Variants in HPN observed in about 807,000 individuals in gnomAD.
HPN encodes hepsin.
In HPN, 13 loss-of-function variants were observed where a neutral mutation model predicts 55.9. The ratio of observed to expected loss-of-function variants is 0.23; its 90% CI spans 0.15 to 0.37. The LOEUF is 0.37. Ranked by LOEUF, HPN falls within the 10% of genes least tolerant of loss-of-function variation. The pLI is 1.00. For synonymous variants in HPN, 225 were observed against 240.3 expected (o/e 0.94, Z 0.59); for missense variants, 451 against 575.8 (o/e 0.78, Z 2.22).
intron 4 of HPN, among the ~76,000 whole-genome samples, chr19:35,052,534 C>CAAAAAAAA (rs5827918): frequency 3.5e-4 from 30 of 84,524 alleles, no homozygotes; most frequent in Non-Finnish European, 5.0e-4. Context: ...GAGTCTGTCT[C>CAAAAAAAA]AAAAAAAAAA....
At chr19:35,062,279 G>A (rs910966307) in intron 9 of HPN, among the ~76,000 whole-genome samples, 4 of 152,090 alleles carry the variant, frequency 2.6e-5, no homozygotes, top group African/African-American at 9.7e-5. Context: ...ATTCTAAGTC[G>A]ATCATGATCA....
In HPN at chr19:35,060,704, G is replaced by A. The variant is rs2064520937; in HGVS notation, c.698G>A (p.Gly233Glu). 1 of 1,614,094 alleles carries A rather than the reference G, an allele frequency of 6.2e-7. No individual in the cohort carries two copies. Among genetic ancestry groups the A allele is most frequent in the African/African-American group, 1.3e-5 (1 of 74,956 alleles). The change falls in exon 9 of 13, where the codon GGG (glycine) becomes GAG (glutamate). Residue 233 changes from glycine (G) to glutamate (E), a missense_variant. By Grantham distance (98) the Gly-to-Glu change is moderately conservative. Coordinates refer to ENST00000672452, the MANE Select transcript of HPN (RefSeq NM_001384133.1). ...GCCTCTCCCCACGGTCTGCAGCTGG[G>A]GGTGCAGGCTGTGGTCTACCACGGG... is the stretch of plus-strand genomic sequence containing the variant. Reference protein sequence around the residue: ...AQASPHGLQLGVQAVVYHGGY... With the variant: ...AQASPHGLQLEVQAVVYHGGY...
At chr19:35,046,354 C>T (rs2064341936) in intron 2 of HPN, among the ~76,000 whole-genome samples, 1 of 152,082 alleles carries the variant, frequency 6.6e-6, no homozygotes, top group Non-Finnish European at 1.5e-5. Flanking sequence ...AAGCGATTCT[C>T]CTGCCTCAGC....
chr19:35,060,097 T>C, intron 6 of HPN, 32 bp from the exon 7 acceptor site: 1 of 1,614,114 alleles, frequency 6.2e-7, no homozygotes, highest in Non-Finnish European at 8.5e-7. Flanking sequence ...CTATTTCCTT[T>C]CTTTCTGTGT....
At chr19:35,043,486 G>A (rs1382085224) in intron 2 of HPN, among the ~76,000 whole-genome samples, 1 of 152,250 alleles carries the variant, frequency 6.6e-6, no homozygotes, top group Non-Finnish European at 1.5e-5. Context: ...CAGACGGCGT[G>A]TTCTCCCTGG....
chr19:35,051,485 A>G (rs1017589606), intron 4 of HPN, among the ~76,000 whole-genome samples: 3 of 152,164 alleles, frequency 2.0e-5, no homozygotes, highest in African/African-American at 7.2e-5. Flanking sequence ...AGCTCAAAGC[A>G]GTCCTCTCAG....
chr19:35,046,110 T>A (rs1013562526), intron 2 of HPN, among the ~76,000 whole-genome samples: 1 of 151,862 alleles, frequency 6.6e-6, no homozygotes, highest in Non-Finnish European at 1.5e-5. Context: ...CTGGGCAGAG[T>A]TGGGGGGCAG....
intron 4 of HPN, among the ~76,000 whole-genome samples, chr19:35,055,291 G>T (rs1408681746): frequency 6.6e-6 from 1 of 152,092 alleles, no homozygotes; most frequent in Non-Finnish European, 1.5e-5. Context: ...TAGCTACTTG[G>T]GAGGTTGAGG....
intron 9 of HPN, among the ~76,000 whole-genome samples, chr19:35,063,523 A>G (rs1167032293): frequency 6.6e-6 from 1 of 152,212 alleles, no homozygotes; most frequent in Non-Finnish European, 1.5e-5. Context: ...AGCCTGGCCA[A>G]CGTGGTGAAA....
rs554119433 is a variant in HPN at position 35,064,318 on chromosome 19, G to C, written c.812-932G>C. ...AAGTCAAATGTCTCAAGATAGGAGT[G>C]TCTCTCTCTCTCTCTCTCTCTTTCT... On this transcript the variant is annotated intron_variant, in intron 9 of 12. Transcript: ENST00000672452. Among the ~76,000 whole-genome samples, 777 of 150,654 alleles carry C rather than the reference G, an allele frequency of 5.2e-3. 5 individuals carry two copies. Among genetic ancestry groups the C allele is most frequent in the African/African-American group, 0.017 (700 of 41,150 alleles).
intron 4 of HPN, among the ~76,000 whole-genome samples, chr19:35,055,272 CT>C (rs1346351501): frequency 6.6e-6 from 1 of 152,110 alleles, no homozygotes; most frequent in Admixed American, 6.5e-5. Context: ...TGGTATGCCC[CT>C]GTGGTCCTAG....
chr19:35,064,878 A>G (rs1051586259), intron 9 of HPN, among the ~76,000 whole-genome samples: 2 of 151,830 alleles, frequency 1.3e-5, no homozygotes, highest in Non-Finnish European at 2.9e-5. Context: ...CTGGAGTGCA[A>G]TGACATGATC....
chr19:35,050,429 T>G (rs759400984), intron 4 of HPN: 5 of 1,123,336 alleles, frequency 4.5e-6, no homozygotes, highest in South Asian at 2.6e-5. Flanking sequence ...TCCCTGGTAA[T>G]TAGCTCCATT....
intron 2 of HPN, among the ~76,000 whole-genome samples, chr19:35,043,499 C>T (rs1162623797): frequency 2.0e-5 from 3 of 152,240 alleles, no homozygotes; most frequent in African/African-American, 4.8e-5. Context: ...CTCCCTGGGC[C>T]TCCATTCTCT....
intron 4 of HPN, among the ~76,000 whole-genome samples, chr19:35,051,140 G>A (rs972098411): frequency 2.6e-5 from 4 of 151,878 alleles, no homozygotes; most frequent in Non-Finnish European, 4.4e-5. Context: ...CCAGAGTCTC[G>A]CTGTGTCGCC....
intron 4 of HPN, among the ~76,000 whole-genome samples, chr19:35,054,771 G>A (rs1320579735): frequency 6.6e-6 from 1 of 152,146 alleles, no homozygotes; most frequent in Non-Finnish European, 1.5e-5. Flanking sequence ...TGGGGTGTGC[G>A]ACGAGGCCTT....
chr19:35,054,121 G>T (rs564917811), intron 4 of HPN, among the ~76,000 whole-genome samples: 8 of 152,278 alleles, frequency 5.3e-5, no homozygotes, highest in African/African-American at 1.7e-4. Context: ...GATGGGCATA[G>T]AAGTGGTCAC....
intron 12 of HPN, 25 bp from the exon 13 acceptor site, chr19:35,066,224 G>A: frequency 6.2e-7 from 1 of 1,614,004 alleles, no homozygotes; most frequent in Non-Finnish European, 8.5e-7. Flanking sequence ...TCAGACCTCG[G>A]GAGCCCCCAG....
At chr19:35,046,620 A>C (rs572892308) in intron 2 of HPN, among the ~76,000 whole-genome samples, 8 of 152,122 alleles carry the variant, frequency 5.3e-5, no homozygotes, top group Non-Finnish European at 1.0e-4. Flanking sequence ...GCTCTGTTCC[A>C]GGTGCTGGCC....
Sources: gnomAD v4.1 joint callset for allele counts (sites outside exome capture counted in the v4.1 genomes callset) on GRCh38, gnomAD v4.1.1 for gene constraint, MANE v1.5 for transcripts, NCBI Gene and HGNC (gene_info 2026-07-23, HGNC 2026-07-21) for gene names.